CDH13: variants seen among roughly 807,000 people sequenced by gnomAD.
CDH13 encodes cadherin 13.
In CDH13, 24 loss-of-function variants were observed where a neutral mutation model predicts 63.8. The ratio of observed to expected loss-of-function variants is 0.38; its 90% CI spans 0.27 to 0.53. CDH13 has a LOEUF of 0.53. Among genes scored for constraint, CDH13 ranks in the 20% least tolerant of loss-of-function variants. The pLI is 0.85. For synonymous variants in CDH13, 503 were observed against 355.3 expected (o/e 1.42, Z -4.67); for missense variants, 1,049 against 903.1 (o/e 1.16, Z -2.07).
intron 1 of CDH13, among the ~76,000 whole-genome samples, chr16:82,789,318 G>T (rs553611785): frequency 2.6e-5 from 4 of 152,298 alleles, no homozygotes; most frequent in African/African-American, 9.6e-5. Flanking sequence ...GTTAAAAACA[G>T]TGATTGTGAA....
At chr16:82,975,781 A>G (rs539539548) in intron 2 of CDH13, among the ~76,000 whole-genome samples, 2 of 152,224 alleles carry the variant, frequency 1.3e-5, no homozygotes, top group South Asian at 4.1e-4. Flanking sequence ...AGGCCTTTAT[A>G]TATTATTTTC....
intron 7 of CDH13, among the ~76,000 whole-genome samples, chr16:83,521,182 G>A (rs989965050): frequency 6.6e-6 from 1 of 152,122 alleles, no homozygotes; most frequent in African/African-American, 2.4e-5. Flanking sequence ...TTAAATTATT[G>A]CATGTACTGC....
At chr16:82,678,289 A>C (rs1252828803) in intron 1 of CDH13, among the ~76,000 whole-genome samples, 1 of 151,420 alleles carries the variant, frequency 6.6e-6, no homozygotes, top group Non-Finnish European at 1.5e-5. Flanking sequence ...ACGTTGGTTT[A>C]AAATGCAAAT....
chr16:83,626,011 C>CTTT lies in CDH13; in HGVS notation c.1101+23431_1101+23433dup, dbSNP rs34252613. Among the ~76,000 whole-genome samples the CTTT allele has an allele frequency of 9.8e-4, 134 of 137,434 alleles. 1 individual carries two copies. Among genetic ancestry groups the CTTT allele is most frequent in the African/African-American group, 3.4e-3 (126 of 37,488 alleles). 90.2% of individuals were successfully genotyped at this position (137,434 alleles called of 152,430 possible). On this transcript the variant is annotated intron_variant, in intron 8 of 13. Coordinates refer to ENST00000567109, the MANE Select transcript of CDH13 (RefSeq NM_001257.5). The stretch of plus-strand genomic sequence containing the variant: ...AAAACGTGAGGAAACAAGCTTGCTT[C>CTTT]TTTTTTTTTTTTTTTTCAAAGCAGG...
intron 5 of CDH13, among the ~76,000 whole-genome samples, chr16:83,241,431 A>T (rs1207692444): frequency 6.6e-6 from 1 of 152,126 alleles, no homozygotes; most frequent in Non-Finnish European, 1.5e-5. Context: ...TGATTGTGCT[A>T]TTTTATATTC....
intron 6 of CDH13, among the ~76,000 whole-genome samples, chr16:83,437,739 A>T (rs1053560631): frequency 9.2e-5 from 14 of 152,172 alleles, no homozygotes; most frequent in Admixed American, 5.9e-4. Flanking sequence ...CAGAAAAAAA[A>T]TAACATTCTT....
chr16:82,713,822 A>C (rs2032148693), intron 1 of CDH13, among the ~76,000 whole-genome samples: 1 of 146,382 alleles, frequency 6.8e-6, no homozygotes, highest in African/African-American at 2.6e-5. Context: ...AAAAACAAAC[A>C]AAAAAAAAGG....
At position 83,796,694 on chromosome 16, in the gene CDH13, T is replaced by C. The variant is rs460796; in HGVS notation, c.*1664T>C. On this transcript the variant is annotated 3_prime_UTR_variant, in exon 14 of 14. Transcript: ENST00000567109. ...CAAGTTCACATTTTTGACAGACCAT[T>C]TGGGGTCCGTCGTACATCTCTGGTT... is the stretch of plus-strand genomic sequence containing the variant. The C allele has an allele frequency of 1.4e-5, 2 of 145,538 alleles. No individual in the cohort carries two copies. The highest frequency in any genetic ancestry group is 2.4e-5 in the African/African-American group (1 of 40,900). The allele number at this position is 145,538 out of a possible 1,614,324, so 9.0% of individuals were successfully genotyped here.
intron 3 of CDH13, among the ~76,000 whole-genome samples, chr16:83,050,091 C>T (rs2030129695): frequency 6.6e-6 from 1 of 152,098 alleles, no homozygotes. Flanking sequence ...TTAAGATACT[C>T]AGGATTCTTT....
intron 5 of CDH13, among the ~76,000 whole-genome samples, chr16:83,228,348 G>T (rs2039903381): frequency 6.6e-6 from 1 of 152,208 alleles, no homozygotes; most frequent in Non-Finnish European, 1.5e-5. Flanking sequence ...TGGCCACTCA[G>T]AGGGTCTAAA....
intron 7 of CDH13, among the ~76,000 whole-genome samples, chr16:83,516,106 A>G (rs2074693458): frequency 6.6e-6 from 1 of 152,192 alleles, no homozygotes; most frequent in Non-Finnish European, 1.5e-5. Flanking sequence ...TCTTATCTTC[A>G]TCATAAAAGT....
At chr16:82,745,953 C>G (rs1429286643) in intron 1 of CDH13, among the ~76,000 whole-genome samples, 1 of 152,046 alleles carries the variant, frequency 6.6e-6, no homozygotes, top group South Asian at 2.1e-4. Context: ...TTGCCAACTG[C>G]TTTTCAAAAC....
intron 4 of CDH13, among the ~76,000 whole-genome samples, chr16:83,213,435 G>T (rs543516578): frequency 9.9e-5 from 15 of 152,106 alleles, no homozygotes; most frequent in Non-Finnish European, 1.5e-4. Flanking sequence ...GTTTCTTCTA[G>T]AAGGTCTGGG....
intron 10 of CDH13, among the ~76,000 whole-genome samples, chr16:83,736,243 TAA>T (rs1911528750): frequency 6.6e-6 from 1 of 152,196 alleles, no homozygotes; most frequent in African/African-American, 2.4e-5. Context: ...TTACCCATAC[TAA>T]GAGTGTTCAA....
At chr16:83,630,597 T>A (rs1477392253) in intron 8 of CDH13, among the ~76,000 whole-genome samples, 3 of 152,168 alleles carry the variant, frequency 2.0e-5, no homozygotes, top group African/African-American at 4.8e-5. Flanking sequence ...TCTAGCTCAG[T>A]GAATCTGCAT....
Position 82,819,582 on chromosome 16 carries a change from G to C in CDH13, c.46-38780G>C, listed in dbSNP as rs572320057. Among the ~76,000 whole-genome samples, 14 of 152,234 alleles carry C rather than the reference G, an allele frequency of 9.2e-5. No homozygotes were observed. In the South Asian group the frequency reaches 1.5e-3, roughly 16 times the overall value. On this transcript the variant is annotated intron_variant, in intron 1 of 13. Coordinates refer to ENST00000567109, the MANE Select transcript of CDH13 (RefSeq NM_001257.5). ...CTCTAGCCACACTGTGTTTCAGGGA[G>C]GGCAACATGGGAGACAGAGGAAATT...
intron 6 of CDH13, among the ~76,000 whole-genome samples, chr16:83,469,167 G>A (rs1327945276): frequency 1.3e-5 from 2 of 152,188 alleles, no homozygotes; most frequent in African/African-American, 4.8e-5. Context: ...CAGTTCAAGT[G>A]GCAGCTGCTA....
At chr16:83,631,061 C>T (rs1003421625) in intron 8 of CDH13, among the ~76,000 whole-genome samples, 4 of 152,316 alleles carry the variant, frequency 2.6e-5, no homozygotes, top group African/African-American at 9.6e-5. Context: ...AACAGCTGGG[C>T]TAAAAGAGCT....
intron 5 of CDH13, among the ~76,000 whole-genome samples, chr16:83,220,013 G>A (rs1285050100): frequency 1.3e-5 from 2 of 152,222 alleles, no homozygotes; most frequent in African/African-American, 4.8e-5. Context: ...CTGGTATTTA[G>A]TGGGAATGCA....
Sources: allele counts gnomAD v4.1 joint callset (sites outside exome capture counted in the v4.1 genomes callset), GRCh38; gene constraint gnomAD v4.1.1; transcripts MANE v1.5; gene names NCBI Gene and HGNC (gene_info 2026-07-23, HGNC 2026-07-21).